The following B4GALT4 variants were observed in gnomAD, a reference collection of about 807,000 sequenced individuals.
B4GALT4 encodes N-acetyllactosamine synthase.
A neutral mutation model predicts 37.3 loss-of-function variants in B4GALT4; 27 were observed. The ratio of observed to expected loss-of-function variants is 0.72; its 90% CI spans 0.53 to 1.00. The LOEUF is 1.00. B4GALT4 is among the 50% of genes least tolerant of loss of function. The pLI, the probability that B4GALT4 is intolerant of heterozygous loss-of-function variation, is 0.00. For missense variants in B4GALT4, 372 were observed against 413.1 expected (o/e 0.90, Z 0.86); for synonymous variants, 148 against 154.1 (o/e 0.96, Z 0.29).
At chr3:119,225,683 C>T (rs1442281283) in intron 4 of B4GALT4, among the ~76,000 whole-genome samples, 1 of 152,128 alleles carries the variant, frequency 6.6e-6, no homozygotes, top group East Asian at 1.9e-4. Context: ...CCCACCTTGG[C>T]CTCCCAAAGT....
intron 5 of B4GALT4, among the ~76,000 whole-genome samples, chr3:119,222,404 C>G (rs1323877569): frequency 6.9e-6 from 1 of 144,614 alleles, no homozygotes; most frequent in African/African-American, 2.5e-5. Flanking sequence ...TCATGGGATT[C>G]TCTCCTTGCC....
At chr3:119,240,692 G>C (rs981831527) in intron 1 of B4GALT4, 158 bp downstream of exon 1, 1 of 152,352 alleles carries the variant, frequency 6.6e-6, no homozygotes, top group Non-Finnish European at 1.5e-5. Flanking sequence ...CACCGCTCCG[G>C]CTGAGGCGGG....
chr3:119,212,811 A>C, intron 7 of B4GALT4, 130 bp from the exon 8 acceptor site: 1 of 947,684 alleles, frequency 1.1e-6, no homozygotes, highest in Non-Finnish European at 1.5e-6. Context: ...CTACCATTAC[A>C]AAGTTTGTTT....
chr3:119,218,958 G>A (rs1239089077), intron 5 of B4GALT4, among the ~76,000 whole-genome samples, 186 bp from the exon 6 acceptor site: 1 of 151,918 alleles, frequency 6.6e-6, no homozygotes, highest in African/African-American at 2.4e-5. Flanking sequence ...CCTCTATCTA[G>A]ACAAACGCTC....
chr3:119,222,138 T>TA (rs148694872), intron 5 of B4GALT4, among the ~76,000 whole-genome samples: 1 of 152,238 alleles, frequency 6.6e-6, no homozygotes, highest in East Asian at 1.9e-4. Flanking sequence ...ACCAGGTGTT[T>TA]AAAAAAATCT....
chr3:119,238,735 C>T (rs1019709819), intron 1 of B4GALT4, among the ~76,000 whole-genome samples: 45 of 152,282 alleles, frequency 3.0e-4, no homozygotes, highest in African/African-American at 1.1e-3. Context: ...CGGTTTCAGG[C>T]ATCCACTGTC....
At position 119,229,958 on chromosome 3, in the gene B4GALT4, T is replaced by A; in HGVS notation, c.142A>T (p.Met48Leu). Residue 48 changes from methionine to leucine, a missense_variant, in exon 3 of 8, where the codon ATG becomes TTG. Met to Leu is a conservative substitution (Grantham distance 15). Transcript: ENST00000393765. ...IQEIPKAKEFMANFHKTLILG... is the reference protein window; with the variant it reads ...IQEIPKAKEFLANFHKTLILG... ...ATGAGGGTCTTATGGAAATTAGCCA[T>A]GAACTCCTTTGCTTTAGGAATCTCT... The A allele has an allele frequency of 6.2e-7, 1 of 1,614,192 alleles. No individual in the cohort carries two copies. Among genetic ancestry groups the A allele is most frequent in the Non-Finnish European group, 8.5e-7 (1 of 1,180,038 alleles).
chr3:119,218,718 A>T lies in B4GALT4; in HGVS notation c.729T>A (p.Phe243Leu), dbSNP rs2078361331. The change falls in exon 6 of 8, where the codon TTT becomes TTA. Residue 243 changes from phenylalanine to leucine, a missense_variant. Coordinates refer to ENST00000393765, the MANE Select transcript of B4GALT4 (RefSeq NM_003778.4). ...GGVTALSREQ[F>L]FKVNGFSNNY... ...TGTTAGAGAATCCATTCACCTTGAA[A>T]AACTGCTCTCTGCTTAGGGCAGTAA... The T allele has an allele frequency of 6.2e-7, 1 of 1,614,208 alleles. No individual in the cohort carries two copies. Among genetic ancestry groups the T allele is most frequent in the Non-Finnish European group, 8.5e-7 (1 of 1,180,028 alleles).
At chr3:119,233,304 A>G (rs1576935289) in intron 2 of B4GALT4, among the ~76,000 whole-genome samples, 1 of 152,244 alleles carries the variant, frequency 6.6e-6, no homozygotes, top group South Asian at 2.1e-4. Flanking sequence ...CACGGGGTAC[A>G]TGGGAAATCT....
intron 5 of B4GALT4, among the ~76,000 whole-genome samples, chr3:119,220,114 T>C (rs1275300857): frequency 6.6e-6 from 1 of 152,206 alleles, no homozygotes; most frequent in African/African-American, 2.4e-5. Flanking sequence ...AGAAGCAGAT[T>C]TACTTATATG....
At chr3:119,228,996 A>G (rs1011037037) in intron 3 of B4GALT4, among the ~76,000 whole-genome samples, 1 of 151,482 alleles carries the variant, frequency 6.6e-6, no homozygotes, top group Non-Finnish European at 1.5e-5. Flanking sequence ...CTTAAGACTA[A>G]TTTACTGTTT....
At chr3:119,228,954 T>C (rs571927092) in intron 3 of B4GALT4, among the ~76,000 whole-genome samples, 1 of 139,036 alleles carries the variant, frequency 7.2e-6, no homozygotes, top group East Asian at 2.2e-4. Flanking sequence ...CAATATCCAG[T>C]AAGAGGGCCC....
chr3:119,224,563 T>G (rs9844382), intron 4 of B4GALT4, among the ~76,000 whole-genome samples: 15,421 of 152,310 alleles, frequency 0.1, 986 homozygotes, highest in East Asian at 0.24. Flanking sequence ...ACTGCATATA[T>G]TTATGCAACC....
At chr3:119,226,542 C>G (rs944645388) in intron 4 of B4GALT4, 13 of 453,920 alleles carry the variant, frequency 2.9e-5, no homozygotes, top group African/African-American at 2.6e-4. Context: ...TGAGGGCAGT[C>G]ATTGGCTAAC....
chr3:119,235,455 A>C (rs191854090), intron 2 of B4GALT4, among the ~76,000 whole-genome samples: 3 of 152,354 alleles, frequency 2.0e-5, no homozygotes, highest in Admixed American at 6.5e-5. Context: ...TTGCAGACAC[A>C]GGGCATGTGA....
intron 2 of B4GALT4, among the ~76,000 whole-genome samples, chr3:119,235,687 TA>T (rs1377274765): frequency 6.6e-6 from 1 of 152,156 alleles, no homozygotes; most frequent in East Asian, 1.9e-4. Context: ...GGCCAGATCC[TA>T]AAGGGACAGT....
At chr3:119,223,772 C>A (rs1471221516) in intron 5 of B4GALT4, among the ~76,000 whole-genome samples, 1 of 152,172 alleles carries the variant, frequency 6.6e-6, no homozygotes, top group Non-Finnish European at 1.5e-5. Context: ...CTTGCGAAAG[C>A]CCCCCGACAG....
chr3:119,239,656 T>C (rs2079088926), intron 1 of B4GALT4, among the ~76,000 whole-genome samples: 1 of 152,192 alleles, frequency 6.6e-6, no homozygotes, highest in East Asian at 1.9e-4. Flanking sequence ...GATTATGTAG[T>C]CAAACAGTTC....
At chr3:119,220,774 C>G (rs2078426951) in intron 5 of B4GALT4, among the ~76,000 whole-genome samples, 1 of 152,190 alleles carries the variant, frequency 6.6e-6, no homozygotes. Context: ...ATCAAGAGGT[C>G]AGGAGATCGA....
Sources: allele counts gnomAD v4.1 joint callset (sites outside exome capture counted in the v4.1 genomes callset), GRCh38; gene constraint gnomAD v4.1.1; transcripts MANE v1.5; gene names NCBI Gene and HGNC (gene_info 2026-07-23, HGNC 2026-07-21).